The following TSHZ2 variants were observed in gnomAD, a reference collection of about 807,000 sequenced individuals.
TSHZ2 encodes teashirt homolog 2.
Under a neutral mutation model 74.4 loss-of-function variants are expected in TSHZ2, and 21 were observed. The observed-to-expected ratio is 0.28, with a 90% CI of 0.20 to 0.41. The LOEUF is 0.41. Ranked by LOEUF, TSHZ2 falls within the 10% of genes least tolerant of loss-of-function variation. The pLI, the probability that TSHZ2 is intolerant of heterozygous loss-of-function variation, is 1.00. For missense variants in TSHZ2, 1,244 were observed against 1,293.5 expected, an observed-to-expected ratio of 0.96 and a Z score of 0.59; for synonymous variants, 540 against 515.3, an observed-to-expected ratio of 1.05 and a Z score of -0.65.
At chr20:53,266,244 A>T (rs1475716054) in intron 2 of TSHZ2, among the ~76,000 whole-genome samples, 1 of 152,206 alleles carries the variant, frequency 6.6e-6, no homozygotes, top group Admixed American at 6.5e-5. Context: ...AGCAGAAAGA[A>T]GTCAGGAGTA....
chr20:53,374,073 G>A (rs1304206663), intron 2 of TSHZ2, among the ~76,000 whole-genome samples: 2 of 152,166 alleles, frequency 1.3e-5, no homozygotes, highest in Admixed American at 6.5e-5. Context: ...GGGGTCTGGT[G>A]TACAGATTAT....
chr20:53,274,681 G>A (rs1208220756), intron 2 of TSHZ2, among the ~76,000 whole-genome samples: 2 of 152,190 alleles, frequency 1.3e-5, no homozygotes, highest in Admixed American at 1.3e-4. Context: ...ACAAGGACTT[G>A]GTCACAAGGC....
In TSHZ2 at chr20:53,340,173, C is replaced by CTTTTTTTTTTTT. The variant is rs1285149762; in HGVS notation, c.*8+83605_*8+83606insTTTTTTTTTTTT. 1.5e-3 allele frequency among the ~76,000 whole-genome samples: 93 copies of CTTTTTTTTTTTT among 62,092 alleles called. 8 individuals carry two copies. The highest frequency in any genetic ancestry group is 8.9e-3 in the Middle Eastern group (1 of 112). The allele number at this position is 62,092 out of a possible 152,430, so 40.7% of individuals were successfully genotyped here. On this transcript the variant is annotated intron_variant, in intron 2 of 2. Transcript: ENST00000371497. ...GCTAGGATAAAACAAGGTGACTTTT[C>CTTTTTTTTTTTT]TTTCTTTTTTCTTTTTTTTTTTTTT...
chr20:53,265,895 C>A (rs568293543), intron 2 of TSHZ2, among the ~76,000 whole-genome samples: 4 of 152,304 alleles, frequency 2.6e-5, no homozygotes, highest in Admixed American at 2.6e-4. Context: ...TCCCTCCCTC[C>A]TTTCTTCCCT....
At chr20:53,015,562 T>C (rs1214568982) in intron 1 of TSHZ2, among the ~76,000 whole-genome samples, 3 of 152,198 alleles carry the variant, frequency 2.0e-5, no homozygotes, top group African/African-American at 7.2e-5. Context: ...GTCTGGTTCT[T>C]GTCAATGTTC....
chr20:53,366,241 T>C, intron 2 of TSHZ2, among the ~76,000 whole-genome samples: 1 of 152,198 alleles, frequency 6.6e-6, no homozygotes, highest in East Asian at 1.9e-4. Flanking sequence ...GTTTCTCAAA[T>C]TCCTTTATCA....
intron 2 of TSHZ2, among the ~76,000 whole-genome samples, chr20:53,265,974 A>G (rs1990708057): frequency 6.6e-6 from 1 of 152,182 alleles, no homozygotes; most frequent in Non-Finnish European, 1.5e-5. Flanking sequence ...TATAACAGGG[A>G]AAAATGCGAG....
intron 2 of TSHZ2, among the ~76,000 whole-genome samples, chr20:53,393,665 A>AACACACACAC (rs113428598): frequency 0.066 from 9,771 of 148,436 alleles, 360 homozygotes; most frequent in Non-Finnish European, 0.074. Flanking sequence ...TACACACGCA[A>AACACACACAC]ACACACACAC....
chr20:53,462,925 C>T (rs1036544351), intron 2 of TSHZ2, among the ~76,000 whole-genome samples: 6 of 152,118 alleles, frequency 3.9e-5, no homozygotes, highest in Admixed American at 6.5e-5. Context: ...GCCAGTTGAC[C>T]CTTCTGCATA....
At chr20:53,111,383 A>G (rs1986531013) in intron 1 of TSHZ2, among the ~76,000 whole-genome samples, 1 of 152,210 alleles carries the variant, frequency 6.6e-6, no homozygotes, top group African/African-American at 2.4e-5. Context: ...TTTACGGCAT[A>G]AAATAACAAA....
At chr20:53,380,597 C>T (rs1373771363) in intron 2 of TSHZ2, among the ~76,000 whole-genome samples, 1 of 152,032 alleles carries the variant, frequency 6.6e-6, no homozygotes, top group East Asian at 1.9e-4. Context: ...TAATAAAATC[C>T]AACAAAGACA....
intron 2 of TSHZ2, among the ~76,000 whole-genome samples, chr20:53,392,608 C>T (rs1982299844): frequency 6.6e-6 from 1 of 152,044 alleles, no homozygotes; most frequent in African/African-American, 2.4e-5. Flanking sequence ...AGGAAATATA[C>T]CAAATTGTTA....
chr20:53,103,122 A>C (rs560106146), intron 1 of TSHZ2, among the ~76,000 whole-genome samples: 8 of 152,240 alleles, frequency 5.3e-5, no homozygotes, highest in Non-Finnish European at 7.3e-5. Context: ...AAAGAAAAAA[A>C]GTTCTAAAGC....
At chr20:53,385,161 T>C (rs1158181883) in intron 2 of TSHZ2, among the ~76,000 whole-genome samples, 12 of 151,762 alleles carry the variant, frequency 7.9e-5, no homozygotes, top group Admixed American at 7.9e-4. Context: ...AAATAAAACA[T>C]AAAGGAGTCA....
chr20:53,315,800 C>G (rs149681487), intron 2 of TSHZ2, among the ~76,000 whole-genome samples: 4 of 152,238 alleles, frequency 2.6e-5, no homozygotes, highest in African/African-American at 9.6e-5. Flanking sequence ...ATAATTGCAA[C>G]GAATGCTATG....
At position 53,125,539 on chromosome 20, in the gene TSHZ2, A is replaced by G. The variant is rs918466990; in HGVS notation, c.41-127960A>G. 3.9e-5 allele frequency among the ~76,000 whole-genome samples: 6 copies of G among 152,184 alleles called. No individual in the cohort carries two copies. The South Asian group carries it at 1.0e-3, about 26-fold the overall frequency. ...ATTGAATAATCATGAATTGAGCCCA[A>G]ATGGCCTGGCTTCCTACCTCAGGCT... is the stretch of plus-strand genomic sequence containing the variant. On this transcript the variant is annotated intron_variant, in intron 1 of 2. Transcript: ENST00000371497.
rs371445975 is a variant in TSHZ2, at chr20:53,253,755, C to T, written c.297C>T (p.Cys99=). 1.5e-5 allele frequency: 25 copies of T among 1,614,144 alleles called. No individual in the cohort carries two copies. Among genetic ancestry groups the T allele is most frequent in the Admixed American group, 3.3e-5 (2 of 60,014 alleles). ...AGGTGTCGGACATCAAGAGTGTCTGCGGCAGAGATGCCTCAGACAAGAAAG... is the reference window on the plus strand; with the variant it reads ...AGGTGTCGGACATCAAGAGTGTCTGTGGCAGAGATGCCTCAGACAAGAAAG... ...SDQVSDIKSV[C]GRDASDKKAH... is the part of the protein sequence containing the mutation. The change falls in exon 2 of 3, where the codon TGC becomes TGT. Residue 99 remains cysteine (C), a synonymous_variant. Transcript: ENST00000371497.
At chr20:53,473,757 G>T in intron 2 of TSHZ2, among the ~76,000 whole-genome samples, 1 of 151,848 alleles carries the variant, frequency 6.6e-6, no homozygotes. Context: ...TGAAAACTTT[G>T]AAAAAACTTT....
intron 1 of TSHZ2, among the ~76,000 whole-genome samples, chr20:53,056,765 G>A (rs1438374871): frequency 6.6e-6 from 1 of 152,060 alleles, no homozygotes; most frequent in Non-Finnish European, 1.5e-5. Context: ...CCTGCACCTG[G>A]ACATGCTTCA....
Sources: gnomAD v4.1 joint callset for allele counts (sites outside exome capture counted in the v4.1 genomes callset) on GRCh38, gnomAD v4.1.1 for gene constraint, MANE v1.5 for transcripts, NCBI Gene and HGNC (gene_info 2026-07-23, HGNC 2026-07-21) for gene names.